The following KCNJ4 variants were observed in gnomAD, a reference collection of about 807,000 sequenced individuals.
KCNJ4 encodes the protein inward rectifier potassium channel 4.
A neutral mutation model predicts 25.6 loss-of-function variants in KCNJ4; 3 were observed. That is an observed-to-expected ratio of 0.12 (90% confidence interval 0.05 to 0.30). The LOEUF is 0.30. Among genes scored for constraint, KCNJ4 ranks in the 10% least tolerant of loss-of-function variants. KCNJ4 has a pLI of 1.00. For missense variants in KCNJ4, 286 were observed against 666.8 expected, an observed-to-expected ratio of 0.43 and a Z score of 6.29; for synonymous variants, 257 against 283.9, an observed-to-expected ratio of 0.91 and a Z score of 0.95.
intron 1 of KCNJ4, among the ~76,000 whole-genome samples, chr22:38,445,639 C>A (rs901248739): frequency 6.6e-6 from 1 of 152,122 alleles, no homozygotes; most frequent in Admixed American, 6.6e-5. Context: ...CCACTGCACC[C>A]GGCTATATAT....
intron 1 of KCNJ4, among the ~76,000 whole-genome samples, chr22:38,434,510 G>A (rs575365787): frequency 8.5e-5 from 13 of 152,148 alleles, no homozygotes; most frequent in Non-Finnish European, 1.8e-4. Context: ...GAGATGCCGG[G>A]GGGTTGAGGG....
At chr22:38,441,229 A>G (rs2089330266) in intron 1 of KCNJ4, among the ~76,000 whole-genome samples, 1 of 152,148 alleles carries the variant, frequency 6.6e-6, no homozygotes, top group African/African-American at 2.4e-5. Context: ...TGACCATGGT[A>G]GCCACAAGTC....
intron 1 of KCNJ4, among the ~76,000 whole-genome samples, chr22:38,442,949 C>T (rs2089347619): frequency 6.6e-6 from 1 of 152,122 alleles, no homozygotes; most frequent in Non-Finnish European, 1.5e-5. Context: ...CCCTATGTTA[C>T]CCAGGCTGAT....
At chr22:38,454,018 C>T (rs2089424167) in intron 1 of KCNJ4, among the ~76,000 whole-genome samples, 1 of 152,238 alleles carries the variant, frequency 6.6e-6, no homozygotes, top group Admixed American at 6.5e-5. Flanking sequence ...GTCCTGCTAA[C>T]TGCCCCCAAA....
rs2089396074 is a variant in KCNJ4, at chr22:38,449,278, G to A, written c.-40+5702C>T. On this transcript the variant is annotated intron_variant, in intron 1 of 1. Coordinates refer to ENST00000303592, the MANE Select transcript of KCNJ4 (RefSeq NM_152868.3). This position sits in a 1 kb window ranked among gnomAD's most constrained non-coding sequence, Gnocchi z 5.2. Reference sequence around the variant, plus strand: ...GGCACTGGGTGCACAGTAGGACAAAGCATCTGTGGCTGTTTCCACCCAGGA... The same window carrying A: ...GGCACTGGGTGCACAGTAGGACAAAACATCTGTGGCTGTTTCCACCCAGGA... 6.6e-6 allele frequency among the ~76,000 whole-genome samples: 1 copy of A among 152,208 alleles called. No individual in the cohort carries two copies. Among genetic ancestry groups the A allele is most frequent in the South Asian group, 2.1e-4 (1 of 4,828 alleles).
At chr22:38,454,025 CA>C (rs2089424260) in intron 1 of KCNJ4, among the ~76,000 whole-genome samples, 1 of 152,214 alleles carries the variant, frequency 6.6e-6, no homozygotes, top group Admixed American at 6.5e-5. Flanking sequence ...TAACTGCCCC[CA>C]AAAGGCCTGA....
intron 1 of KCNJ4, among the ~76,000 whole-genome samples, chr22:38,450,540 G>A (rs1264683542): frequency 1.3e-5 from 2 of 152,058 alleles, no homozygotes; most frequent in Admixed American, 1.3e-4. Context: ...CTTTCCTCCT[G>A]CAGCCCTAGC....
chr22:38,447,841 G>A (rs1376284990), intron 1 of KCNJ4, among the ~76,000 whole-genome samples: 4 of 152,130 alleles, frequency 2.6e-5, no homozygotes, highest in South Asian at 2.1e-4. Flanking sequence ...TGAGGCAGGC[G>A]GATCACAAGG....
chr22:38,437,560 C>T (rs1291398574), intron 1 of KCNJ4, among the ~76,000 whole-genome samples: 1 of 152,248 alleles, frequency 6.6e-6, no homozygotes, highest in African/African-American at 2.4e-5. Flanking sequence ...AGGCCTTGGA[C>T]TCGGCCAGCT....
intron 1 of KCNJ4, among the ~76,000 whole-genome samples, chr22:38,438,583 G>C (rs1371215901): frequency 1.1e-5 from 1 of 93,478 alleles, no homozygotes; most frequent in Non-Finnish European, 2.1e-5. Flanking sequence ...CAGCTACCCG[G>C]GAGGCTGAGG....
rs571540765 is a variant in KCNJ4 at position 38,446,927 on chromosome 22, C to T, written c.-40+8053G>A. 1.9e-4 allele frequency among the ~76,000 whole-genome samples: 29 copies of T among 149,176 alleles called. 1 individual carries two copies. Among genetic ancestry groups the T allele is most frequent in the Admixed American group, 6.0e-4 (9 of 14,940 alleles). ...CTGAGATCGCGCCACTGCTCTCCAG[C>T]TTGGGCAACAGAGCGAGACTCCATC... On this transcript the variant is annotated intron_variant, in intron 1 of 1. Coordinates refer to ENST00000303592, the MANE Select transcript of KCNJ4 (RefSeq NM_152868.3).
intron 1 of KCNJ4, among the ~76,000 whole-genome samples, chr22:38,440,310 C>A (rs151122370): frequency 6.6e-6 from 1 of 152,010 alleles, no homozygotes; most frequent in Non-Finnish European, 1.5e-5. Context: ...GAGAGGCTGA[C>A]GTGGGCAAAT....
rs563980408 is a variant in KCNJ4, at chr22:38,450,541, C to T, written c.-40+4439G>A. 7.9e-5 allele frequency among the ~76,000 whole-genome samples: 12 copies of T among 152,328 alleles called. No homozygotes were observed. In the South Asian group the frequency reaches 2.3e-3, roughly 29 times the overall value. On this transcript the variant is annotated intron_variant, in intron 1 of 1. Coordinates refer to ENST00000303592, the MANE Select transcript of KCNJ4 (RefSeq NM_152868.3). ...CCCTGCGCCGATAACTTTCCTCCTG[C>T]AGCCCTAGCTTGGAGCCAGCCCTCT...
Position 38,443,913 on chromosome 22 carries a change from C to T in KCNJ4, c.-40+11067G>A, listed in dbSNP as rs1318560900. 6.6e-6 allele frequency among the ~76,000 whole-genome samples: 1 copy of T among 152,126 alleles called. No individual in the cohort carries two copies. The highest frequency in any genetic ancestry group is 2.4e-5 in the African/African-American group (1 of 41,416). ...AGAGAGGTCCTGCCCTCTCTGACTGCACCCCCTCCACTCTCCAACCACGGG... is the reference window on the plus strand; with the variant it reads ...AGAGAGGTCCTGCCCTCTCTGACTGTACCCCCTCCACTCTCCAACCACGGG... On this transcript the variant is annotated intron_variant, in intron 1 of 1. Coordinates refer to ENST00000303592, the MANE Select transcript of KCNJ4 (RefSeq NM_152868.3). The surrounding 1 kb of genome is among the most constrained non-coding windows in gnomAD (Gnocchi z 4.1).
chr22:38,453,569 T>C (rs561051599), intron 1 of KCNJ4, among the ~76,000 whole-genome samples: 20 of 152,206 alleles, frequency 1.3e-4, no homozygotes, highest in African/African-American at 4.8e-4. Flanking sequence ...TTTACTCCCA[T>C]CTCCCCAGTG....
intron 1 of KCNJ4, among the ~76,000 whole-genome samples, chr22:38,437,448 G>A (rs954898917): frequency 3.9e-5 from 6 of 152,158 alleles, no homozygotes; most frequent in African/African-American, 1.4e-4. Context: ...CAGAACAACC[G>A]CAGCTCCCTC....
intron 1 of KCNJ4, among the ~76,000 whole-genome samples, chr22:38,445,545 G>A (rs2089367744): frequency 6.6e-6 from 1 of 152,108 alleles, no homozygotes. Context: ...GTGCAGTGAT[G>A]CGATCACAGC....
intron 1 of KCNJ4, among the ~76,000 whole-genome samples, chr22:38,429,870 CCTGAT>C (rs1316530363): frequency 2.6e-5 from 4 of 152,238 alleles, no homozygotes; most frequent in Non-Finnish European, 5.9e-5. Flanking sequence ...TATTCTTCTT[CCTGAT>C]CTAATTGTGC....
chr22:38,435,922 A>C (rs2093064156), intron 1 of KCNJ4, among the ~76,000 whole-genome samples: 1 of 151,962 alleles, frequency 6.6e-6, no homozygotes, highest in South Asian at 2.1e-4. Context: ...AGCCAAAGAC[A>C]GACTGAGCCA....
Sources: gnomAD v4.1 joint callset for allele counts (sites outside exome capture counted in the v4.1 genomes callset) on GRCh38, gnomAD v4.1.1 for gene constraint, Gnocchi (gnomAD v3.1) non-coding constraint, MANE v1.5 for transcripts, NCBI Gene and HGNC (gene_info 2026-07-23, HGNC 2026-07-21) for gene names.